The following CEP164 variants were observed in gnomAD, a reference collection of about 807,000 sequenced individuals.
CEP164 encodes the protein centrosomal protein 164.
A neutral mutation model predicts 182.7 loss-of-function variants in CEP164; 162 were observed. That is an observed-to-expected ratio of 0.89 (90% CI 0.78 to 1.01). The LOEUF is 1.01. Ranked by LOEUF, CEP164 falls within the 50% of genes least tolerant of loss-of-function variation. The pLI is 0.00. For missense variants in CEP164, 1,735 were observed against 1,790.4 expected (o/e 0.97, Z 0.56); for synonymous variants, 661 against 690.0 (o/e 0.96, Z 0.66).
chr11:117,333,181 A>G (rs1163844672), intron 1 of CEP164, among the ~76,000 whole-genome samples: 1 of 107,812 alleles, frequency 9.3e-6, no homozygotes, highest in African/African-American at 3.6e-5. Context: ...CATGGCTGAT[A>G]TTTTTAATTT....
In CEP164 at chr11:117,371,340, C is replaced by G. The variant is rs1478161844; in HGVS notation, c.1026C>G (p.Ala342=). ...ADPTGSEPAK[A]SEKEAPEDTV... ...CTACAGGCAGTGAGCCTGCCAAAGC[C>G]TCTGAAAAGGAAGCACCAGAGGACA... Residue 342 remains alanine (A), a synonymous_variant, in exon 9 of 33, where the codon GCC becomes GCG. Coordinates refer to ENST00000278935, the MANE Select transcript of CEP164 (RefSeq NM_014956.5). The G allele has an allele frequency of 6.2e-7, 1 of 1,614,196 alleles. No homozygotes were observed. The highest frequency in any genetic ancestry group is 8.5e-7 in the Non-Finnish European group (1 of 1,180,038).
chr11:117,392,137 G>A, intron 17 of CEP164, 89 bp from the exon 18 acceptor site: 1 of 1,173,864 alleles, frequency 8.5e-7, no homozygotes, highest in Non-Finnish European at 1.2e-6. Context: ...GATCTCGAGG[G>A]CTTGGGGGTC....
chr11:117,387,291 C>G lies in CEP164; in HGVS notation c.1813C>G (p.Gln605Glu). The G allele has an allele frequency of 1.2e-6, 2 of 1,614,224 alleles. No individual in the cohort carries two copies. Among genetic ancestry groups the G allele is most frequent in the Non-Finnish European group, 1.7e-6 (2 of 1,180,042 alleles). ...AGAGGCAGTGGCCCAAGTACTCGAG[C>G]AAGACCAGAGGCACCTGCTGGAATC... ...MEEAVAQVLE[Q>E]DQRHLLESKQ... is the part of the protein sequence containing the mutation. Residue 605 changes from glutamine to glutamate, a missense_variant, in exon 15 of 33, where the codon CAA becomes GAA. By Grantham distance (29) the Gln-to-Glu change is conservative. Transcript: ENST00000278935.
intron 5 of CEP164, among the ~76,000 whole-genome samples, chr11:117,352,833 C>T (rs563560471): frequency 8.5e-5 from 13 of 152,304 alleles, no homozygotes; most frequent in Middle Eastern, 3.4e-3. Context: ...GTGATCCACC[C>T]GCCTCAGCCT....
chr11:117,397,358 C>T (rs77543424), intron 27 of CEP164, 45 bp downstream of exon 27: 631 of 1,559,742 alleles, frequency 4.0e-4, no homozygotes, highest in African/African-American at 5.0e-4. Flanking sequence ...GTGGGGGAGG[C>T]GGGGGGAGTC....
chr11:117,412,230 A>T lies in CEP164; in HGVS notation c.*62A>T. On this transcript the variant is annotated 3_prime_UTR_variant, in exon 33 of 33. Transcript: ENST00000278935. ...CTCCACCCAGACCAAGTGCCTGAGGAGCTGCCTGCCTTCTTCCATCTGAGA... is the reference window on the plus strand; with the variant it reads ...CTCCACCCAGACCAAGTGCCTGAGGTGCTGCCTGCCTTCTTCCATCTGAGA... 6.9e-7 allele frequency: 1 copy of T among 1,457,936 alleles called. No homozygotes were observed. The highest frequency in any genetic ancestry group is 9.4e-7 in the Non-Finnish European group (1 of 1,060,698). The allele number at this position is 1,457,936 out of a possible 1,614,324, so 90.3% of individuals were successfully genotyped here.
intron 8 of CEP164, among the ~76,000 whole-genome samples, chr11:117,368,507 G>A (rs575562695): frequency 5.8e-4 from 88 of 152,326 alleles, no homozygotes; most frequent in African/African-American, 2.0e-3. Flanking sequence ...CATCTAAGGT[G>A]TATTGGTAGG....
At chr11:117,410,781 G>T in intron 30 of CEP164, 47 bp from the exon 31 acceptor site, 1 of 1,548,420 alleles carries the variant, frequency 6.5e-7, no homozygotes, top group Admixed American at 1.7e-5. Context: ...GGTGGGCAGG[G>T]TGGTGACCAC....
At chr11:117,354,254 G>T (rs548652696) in intron 5 of CEP164, among the ~76,000 whole-genome samples, 2 of 152,058 alleles carry the variant, frequency 1.3e-5, no homozygotes, top group Non-Finnish European at 2.9e-5. Context: ...CTGACCTCAA[G>T]TGATCCGCCC....
intron 27 of CEP164, among the ~76,000 whole-genome samples, chr11:117,406,445 A>C (rs2046684326): frequency 6.6e-6 from 1 of 152,340 alleles, no homozygotes; most frequent in Non-Finnish European, 1.5e-5. Flanking sequence ...TCAAGATGAG[A>C]TTTGTGTGGA....
Position 117,394,812 on chromosome 11 carries a change from C to A in CEP164, c.2761-108C>A. 2 of 1,137,924 alleles carry A rather than the reference C, an allele frequency of 1.8e-6. No individual in the cohort carries two copies. The highest frequency in any genetic ancestry group is 2.6e-6 in the Non-Finnish European group (2 of 768,592). The allele number at this position is 1,137,924 out of a possible 1,614,324, so 70.5% of individuals were successfully genotyped here. On this transcript the variant is annotated intron_variant, in intron 21 of 32. Coordinates refer to ENST00000278935, the MANE Select transcript of CEP164 (RefSeq NM_014956.5). This position sits in a 1 kb window ranked among gnomAD's most constrained non-coding sequence, Gnocchi z 4.0. ...GGGGCACACAGCGAGGAAGCCTGAG[C>A]CCAGAGTGGAGGTTGTGGTGTGGCA... is the stretch of plus-strand genomic sequence containing the variant.
chr11:117,373,849 G>T lies in CEP164; in HGVS notation c.1233+18G>T, dbSNP rs749554406. ...ATGGCCTGGTGAGTTTGAGATGAGG[G>T]CAGTAGAGTGGTGGTGAAGAGCATA... On this transcript the variant is annotated intron_variant, in intron 10 of 32. Coordinates refer to ENST00000278935, the MANE Select transcript of CEP164 (RefSeq NM_014956.5). 1.9e-6 allele frequency: 3 copies of T among 1,605,208 alleles called. No individual in the cohort carries two copies. The Admixed American group carries it at 5.0e-5, about 27-fold the overall frequency.
intron 2 of CEP164, among the ~76,000 whole-genome samples, chr11:117,338,334 G>A (rs988497634): frequency 6.6e-6 from 1 of 152,236 alleles, no homozygotes; most frequent in African/African-American, 2.4e-5. Flanking sequence ...AAGATGTTTT[G>A]TGGTTCACCA....
At chr11:117,329,229 C>T (rs1248592228) in intron 1 of CEP164, among the ~76,000 whole-genome samples, 5 of 152,050 alleles carry the variant, frequency 3.3e-5, no homozygotes, top group African/African-American at 7.2e-5. Context: ...CCTTAGTAGA[C>T]GGGACTACAG....
intron 11 of CEP164, among the ~76,000 whole-genome samples, chr11:117,378,069 A>G (rs2042939479): frequency 1.3e-5 from 2 of 151,550 alleles, no homozygotes; most frequent in South Asian, 4.2e-4. Context: ...AGGTTTCCCC[A>G]TGTTGGCCAG....
intron 1 of CEP164, among the ~76,000 whole-genome samples, chr11:117,330,829 C>T (rs1156758500): frequency 1.3e-5 from 2 of 152,160 alleles, no homozygotes; most frequent in East Asian, 3.8e-4. Flanking sequence ...AAGCACTTTA[C>T]ATGTATTGAA....
chr11:117,339,212 A>G lies in CEP164; in HGVS notation c.82+544A>G, dbSNP rs555314705. Reference sequence around the variant, plus strand: ...GCTTCTATGCTACAGCTGCAGAGATATGTGGCTGTTAAGAGAGGTATATGA... The same window carrying G: ...GCTTCTATGCTACAGCTGCAGAGATGTGTGGCTGTTAAGAGAGGTATATGA... On this transcript the variant is annotated intron_variant, in intron 3 of 32. Coordinates refer to ENST00000278935, the MANE Select transcript of CEP164 (RefSeq NM_014956.5). 5.9e-5 allele frequency among the ~76,000 whole-genome samples: 9 copies of G among 152,336 alleles called. No homozygotes were observed. The South Asian group carries it at 1.9e-3, about 32-fold the overall frequency.
rs182655705 is a variant in CEP164, at chr11:117,411,860, A to G, written c.4229A>G (p.Gln1410Arg). Residue 1410 changes from glutamine to arginine, a missense_variant, in exon 32 of 33, where the codon CAG becomes CGG. Physicochemically the swap from Gln to Arg is conservative, Grantham distance 43 (BLOSUM62 1). Transcript: ENST00000278935. This position sits in a 1 kb window ranked among gnomAD's most constrained non-coding sequence, Gnocchi z 4.4. ...QVPEAGSTTF[Q>R]GIIEANRRWL... ...CCTGAGGCGGGCAGCACCACCTTTC[A>G]GGGCATAATTGAGGCCAACCGGAGG... The G allele has an allele frequency of 6.2e-7, 1 of 1,614,126 alleles. No individual in the cohort carries two copies. Among genetic ancestry groups the G allele is most frequent in the East Asian group, 2.2e-5 (1 of 44,876 alleles).
intron 5 of CEP164, chr11:117,354,879 A>G: frequency 1.7e-6 from 2 of 1,210,870 alleles, no homozygotes; most frequent in Non-Finnish European, 2.1e-6. Flanking sequence ...TAGCAAGTGT[A>G]AATCAGAAGT....
Sources: gnomAD v4.1 joint callset for allele counts (sites outside exome capture counted in the v4.1 genomes callset) on GRCh38, gnomAD v4.1.1 for gene constraint, Gnocchi (gnomAD v3.1) non-coding constraint, MANE v1.5 for transcripts, NCBI Gene and HGNC (gene_info 2026-07-23, HGNC 2026-07-21) for gene names.